The following MLC1 variants were observed in gnomAD, a reference collection of about 807,000 sequenced individuals.
The protein encoded by MLC1 is membrane protein MLC1.
A neutral mutation model predicts 44.7 loss-of-function variants in MLC1; 32 were observed. The observed-to-expected ratio is 0.72, with a 90% confidence interval of 0.54 to 0.96. MLC1 has a LOEUF of 0.96. Ranked by LOEUF, MLC1 falls within the 40% of genes least tolerant of loss-of-function variation. MLC1 has a pLI of 0.00. For missense variants in MLC1, 459 were observed against 492.2 expected, an observed-to-expected ratio of 0.93 and a Z score of 0.64; for synonymous variants, 190 against 213.0, an observed-to-expected ratio of 0.89 and a Z score of 0.94.
intron 1 of MLC1, 95 bp downstream of exon 1, chr22:50,085,260 C>A: frequency 8.5e-7 from 1 of 1,174,860 alleles, no homozygotes; most frequent in South Asian, 1.7e-5. Context: ...CACATCACGC[C>A]GGGGACTCAA....
At position 50,069,443 on chromosome 22, in the gene MLC1, G is replaced by A. The variant is rs181969448; in HGVS notation, c.772-888C>T. Among the ~76,000 whole-genome samples, 7 of 152,012 alleles carry A rather than the reference G, an allele frequency of 4.6e-5. No individual in the cohort carries two copies. In the South Asian group the frequency reaches 1.0e-3, roughly 23 times the overall value. On this transcript the variant is annotated intron_variant, in intron 9 of 11. Transcript: ENST00000311597. ...GCGGATCACCTGAGGTCACGAGTTC[G>A]AGACCAGCCTGGCCAACATGGTGAA...
Position 50,064,149 on chromosome 22 carries a change from T to C in MLC1, c.944A>G (p.Gln315Arg). 1 of 1,607,620 alleles carries C rather than the reference T, an allele frequency of 6.2e-7. No individual in the cohort carries two copies. The highest frequency in any genetic ancestry group is 8.5e-7 in the Non-Finnish European group (1 of 1,179,718). Residue 315 changes from glutamine (Q) to arginine (R), a missense_variant, in exon 11 of 12, where the codon CAG (glutamine) becomes CGG (arginine). Physicochemically the swap from Gln to Arg is conservative, Grantham distance 43 (BLOSUM62 1). Coordinates refer to ENST00000311597, the MANE Select transcript of MLC1 (RefSeq NM_015166.4). ...GGCGGTGCCCGTGTTGAGGCCGGCC[T>C]GCAGCAGGAGCACTAGCAGCAGCAG... is the stretch of plus-strand genomic sequence containing the variant. Reference protein sequence around the residue: ...LLLLLLVLLLQAGLNTGTAIQ... With the variant: ...LLLLLLVLLLRAGLNTGTAIQ...
At chr22:50,080,270 G>T in intron 4 of MLC1, 74 bp downstream of exon 4, 1 of 1,510,042 alleles carries the variant, frequency 6.6e-7, no homozygotes. Context: ...ACACACACAA[G>T]CACACATGGG....
chr22:50,073,598 T>A (rs1384544318), intron 8 of MLC1, among the ~76,000 whole-genome samples: 2 of 152,166 alleles, frequency 1.3e-5, no homozygotes, highest in African/African-American at 4.8e-5. Flanking sequence ...CTGGGCATGG[T>A]GGTCCACGCC....
chr22:50,074,712 G>C, intron 7 of MLC1: 1 of 312,228 alleles, frequency 3.2e-6, no homozygotes, highest in South Asian at 3.0e-5. Flanking sequence ...GAAGGGACTC[G>C]GGAAAACAGG....
At chr22:50,078,736 C>CAA (rs879341455) in intron 5 of MLC1, among the ~76,000 whole-genome samples, 3 of 95,874 alleles carry the variant, frequency 3.1e-5, no homozygotes, top group Non-Finnish European at 4.5e-5. Flanking sequence ...GAGACTGTCT[C>CAA]AAAAAAAAAA....
intron 11 of MLC1, among the ~76,000 whole-genome samples, chr22:50,063,431 C>G (rs1601965935): frequency 6.7e-6 from 1 of 149,634 alleles, no homozygotes; most frequent in East Asian, 2.0e-4. Context: ...CGTGATCGCG[C>G]CACTGCACTC....
intron 8 of MLC1, among the ~76,000 whole-genome samples, chr22:50,071,834 G>A (rs531981630): frequency 3.9e-5 from 6 of 152,326 alleles, no homozygotes; most frequent in African/African-American, 7.2e-5. Context: ...TCATCTCCCC[G>A]AAGGTGTCCA....
At chr22:50,072,469 G>T (rs909828734) in intron 8 of MLC1, among the ~76,000 whole-genome samples, 1 of 152,218 alleles carries the variant, frequency 6.6e-6, no homozygotes, top group Non-Finnish European at 1.5e-5. Context: ...TGAAGAGAGG[G>T]TTGGGAGTGT....
intron 3 of MLC1, 81 bp from the exon 4 acceptor site, chr22:50,080,478 C>T: frequency 7.1e-7 from 1 of 1,409,398 alleles, no homozygotes; most frequent in Non-Finnish European, 9.8e-7. Context: ...TTTGCGCTTC[C>T]AGAAGGATCT....
intron 7 of MLC1, among the ~76,000 whole-genome samples, chr22:50,075,195 GA>G: frequency 2.0e-5 from 3 of 149,824 alleles, no homozygotes; most frequent in African/African-American, 7.4e-5. Flanking sequence ...CAGACTCAGG[GA>G]GGGGCCGCAA....
Position 50,061,146 on chromosome 22 carries a change from C to G in MLC1, c.*437G>C. The G allele has an allele frequency of 3.5e-6, 1 of 285,776 alleles. No homozygotes were observed. Among genetic ancestry groups the G allele is most frequent in the South Asian group, 3.7e-5 (1 of 27,372 alleles). 17.7% of individuals were successfully genotyped at this position (285,776 alleles called of 1,614,324 possible). Reference sequence around the variant, plus strand: ...GCTGACTGAGTACCCGGGACAGACCCTAAGCGTGGAGGGAGGAAGCCCGGT... The same window carrying G: ...GCTGACTGAGTACCCGGGACAGACCGTAAGCGTGGAGGGAGGAAGCCCGGT... On this transcript the variant is annotated 3_prime_UTR_variant, in exon 12 of 12. Coordinates refer to ENST00000311597, the MANE Select transcript of MLC1 (RefSeq NM_015166.4).
Position 50,068,636 on chromosome 22 carries a change from C to T in MLC1, c.772-81G>A, listed in dbSNP as rs1050580451. ...GCGGGCGTGGCCAGGGCTGGGGGGG[C>T]GGGCATGGCCGGGCACTCATGGGCA... is the stretch of plus-strand genomic sequence containing the variant. On this transcript the variant is annotated intron_variant, in intron 9 of 11. Transcript: ENST00000311597. 10 of 610,774 alleles carry T rather than the reference C, an allele frequency of 1.6e-5. 1 individual carries two copies. Among genetic ancestry groups the T allele is most frequent in the African/African-American group, 6.6e-5 (3 of 45,444 alleles). 37.8% of individuals were successfully genotyped at this position (610,774 alleles called of 1,614,324 possible).
intron 10 of MLC1, among the ~76,000 whole-genome samples, chr22:50,065,545 C>T (rs184910866): frequency 2.2e-4 from 33 of 152,302 alleles, no homozygotes; most frequent in East Asian, 1.5e-3. Flanking sequence ...CCAGGGTTAG[C>T]GGAAAATGGT....
At chr22:50,079,702 G>A (rs1339648226) in intron 5 of MLC1, among the ~76,000 whole-genome samples, 1 of 151,954 alleles carries the variant, frequency 6.6e-6, no homozygotes, top group African/African-American at 2.4e-5. Flanking sequence ...TGTTGGAAAA[G>A]ACATTGTTTA....
intron 5 of MLC1, among the ~76,000 whole-genome samples, chr22:50,077,990 A>C: frequency 9.1e-6 from 1 of 109,924 alleles, no homozygotes; most frequent in Non-Finnish European, 2.1e-5. Context: ...GCTGTCTGAC[A>C]ATTTTTTTTT....
chr22:50,061,512 C>A lies in MLC1; in HGVS notation c.*71G>T, dbSNP rs566152230. ...AGGTGTTAGAAGCAGTAGCTCAGGG[C>A]GATTAGGGGTTGTGCGTTTCCATGC... On this transcript the variant is annotated 3_prime_UTR_variant, in exon 12 of 12. Coordinates refer to ENST00000311597, the MANE Select transcript of MLC1 (RefSeq NM_015166.4). 2 of 1,475,752 alleles carry A rather than the reference C, an allele frequency of 1.4e-6. No homozygotes were observed. The highest frequency in any genetic ancestry group is 1.9e-6 in the Non-Finnish European group (2 of 1,059,542). The allele number at this position is 1,475,752 out of a possible 1,614,324, so 91.4% of individuals were successfully genotyped here. A position where few individuals can be genotyped will look rare whatever the true frequency, so the allele number is the denominator to read the frequency against.
intron 8 of MLC1, among the ~76,000 whole-genome samples, chr22:50,071,578 A>G (rs2061852990): frequency 6.6e-6 from 1 of 152,194 alleles, no homozygotes; most frequent in Non-Finnish European, 1.5e-5. Flanking sequence ...CGTGTGGGAC[A>G]GGATTTCCTC....
chr22:50,075,951 T>C (rs1355971121), intron 7 of MLC1, among the ~76,000 whole-genome samples: 1 of 152,074 alleles, frequency 6.6e-6, no homozygotes, highest in Non-Finnish European at 1.5e-5. Flanking sequence ...AGGAGCGTAT[T>C]AGAATATGAA....
Sources: allele counts gnomAD v4.1 joint callset (sites outside exome capture counted in the v4.1 genomes callset), GRCh38; gene constraint gnomAD v4.1.1; transcripts MANE v1.5; gene names NCBI Gene and HGNC (gene_info 2026-07-23, HGNC 2026-07-21).